Variants in GRIK2 observed in about 807,000 individuals in gnomAD.
GRIK2 encodes the protein glutamate receptor ionotropic, kainate 2.
GRIK2 carries 32 observed loss-of-function variants against 100.3 expected under a neutral mutation model. The observed-to-expected ratio is 0.32, with a 90% CI of 0.24 to 0.43. The LOEUF (loss-of-function observed/expected upper bound fraction) is 0.43. Among genes scored for constraint, GRIK2 ranks in the 20% least tolerant of loss-of-function variants. The pLI is 1.00. For missense variants in GRIK2, 843 were observed against 1,114.9 expected (o/e 0.76, Z 3.47); for synonymous variants, 417 against 389.4 (o/e 1.07, Z -0.83).
chr6:101,424,330 C>G (rs936616558), intron 2 of GRIK2, among the ~76,000 whole-genome samples: 3 of 151,318 alleles, frequency 2.0e-5, no homozygotes, highest in Admixed American at 6.6e-5. Flanking sequence ...TCCCCCCACC[C>G]CACAACAGGC....
At chr6:101,549,432 C>A (rs1222241622) in intron 2 of GRIK2, among the ~76,000 whole-genome samples, 1 of 151,958 alleles carries the variant, frequency 6.6e-6, no homozygotes, top group Non-Finnish European at 1.5e-5. Flanking sequence ...ATTGGCAGAT[C>A]TTTCTTTGGC....
intron 7 of GRIK2, among the ~76,000 whole-genome samples, chr6:101,720,111 T>C (rs9386289): frequency 0.076 from 11,549 of 151,862 alleles, 727 homozygotes; most frequent in African/African-American, 0.16. Context: ...CTTTCTCCCC[T>C]GCACCCCCTC....
chr6:101,664,077 C>T (rs1211566130), intron 4 of GRIK2, among the ~76,000 whole-genome samples: 1 of 152,174 alleles, frequency 6.6e-6, no homozygotes, highest in East Asian at 1.9e-4. Context: ...TTCCTTGTTT[C>T]AACCATGCCT....
In GRIK2 at chr6:101,940,935, C is replaced by A. The variant is rs191647341; in HGVS notation, c.2085+12303C>A. On this transcript the variant is annotated intron_variant, in intron 14 of 16. Transcript: ENST00000369134. The stretch of plus-strand genomic sequence containing the variant: ...AAGACATTTTTGCAATAAACTTAAA[C>A]ATATATTTCATTTTAACCTTTGCCT... 2.0e-3 allele frequency among the ~76,000 whole-genome samples: 302 copies of A among 152,104 alleles called. 3 individuals are homozygous for A. Among genetic ancestry groups the A allele is most frequent in the African/African-American group, 6.8e-3 (283 of 41,516 alleles).
intron 10 of GRIK2, among the ~76,000 whole-genome samples, chr6:101,848,437 C>T (rs887103519): frequency 2.0e-5 from 3 of 151,894 alleles, no homozygotes; most frequent in Non-Finnish European, 4.4e-5. Context: ...AAAATTTGAA[C>T]CTCTAGTCTA....
intron 2 of GRIK2, among the ~76,000 whole-genome samples, chr6:101,577,889 C>CTGGGGAA (rs530013855): frequency 1.3e-5 from 2 of 152,136 alleles, no homozygotes; most frequent in Admixed American, 1.3e-4. Context: ...TCCTGTGTTC[C>CTGGGGAA]TGGGGAATGG....
intron 7 of GRIK2, among the ~76,000 whole-genome samples, chr6:101,757,760 A>G (rs979380201): frequency 1.3e-5 from 2 of 152,218 alleles, no homozygotes; most frequent in African/African-American, 4.8e-5. Flanking sequence ...GTACAGTTTG[A>G]AAAGTCTACC....
chr6:101,454,094 G>A (rs1173557816), intron 2 of GRIK2, among the ~76,000 whole-genome samples: 1 of 151,986 alleles, frequency 6.6e-6, no homozygotes, highest in Non-Finnish European at 1.5e-5. Context: ...GTAGACTGAA[G>A]GAAGAAGGCC....
intron 7 of GRIK2, among the ~76,000 whole-genome samples, chr6:101,709,018 G>A (rs9377291): frequency 0.12 from 18,586 of 151,630 alleles, 1,411 homozygotes; most frequent in East Asian, 0.29. Context: ...GACCACCATA[G>A]TTAGTCAATT....
chr6:101,704,592 T>G (rs1331301393), intron 7 of GRIK2, among the ~76,000 whole-genome samples: 1 of 151,764 alleles, frequency 6.6e-6, no homozygotes, highest in East Asian at 1.9e-4. Context: ...ACTTATTTGT[T>G]TAACAATTTA....
At chr6:101,525,798 T>C (rs1775122989) in intron 2 of GRIK2, among the ~76,000 whole-genome samples, 1 of 152,196 alleles carries the variant, frequency 6.6e-6, no homozygotes. Context: ...TTACATGCTG[T>C]CAATTCTGTT....
intron 2 of GRIK2, among the ~76,000 whole-genome samples, chr6:101,607,361 G>T (rs1331896419): frequency 6.6e-6 from 1 of 151,944 alleles, no homozygotes; most frequent in Non-Finnish European, 1.5e-5. Context: ...TGGGAATGAG[G>T]ATCAGAACAT....
intron 2 of GRIK2, among the ~76,000 whole-genome samples, chr6:101,463,930 C>T (rs1364131209): frequency 4.6e-5 from 7 of 152,052 alleles, no homozygotes; most frequent in South Asian, 2.1e-4. Flanking sequence ...GGTATGTCTG[C>T]GAGGGTGGAT....
intron 1 of GRIK2, among the ~76,000 whole-genome samples, chr6:101,397,183 T>G (rs774785787): frequency 6.6e-6 from 1 of 152,178 alleles, no homozygotes; most frequent in Non-Finnish European, 1.5e-5. Context: ...TTAGTCACAA[T>G]AAAACATGCT....
intron 4 of GRIK2, among the ~76,000 whole-genome samples, chr6:101,672,291 T>C (rs1039253504): frequency 1.3e-5 from 2 of 152,160 alleles, no homozygotes; most frequent in African/African-American, 2.4e-5. Context: ...ACCCTTGACA[T>C]GGCTGATCAC....
chr6:102,007,618 T>C (rs998453689), intron 14 of GRIK2, among the ~76,000 whole-genome samples: 2 of 152,116 alleles, frequency 1.3e-5, no homozygotes, highest in African/African-American at 4.8e-5. Flanking sequence ...AGAATTGAAT[T>C]GCATTGAAAC....
rs146948954 is a variant in GRIK2, at chr6:101,434,815, C to G, written c.115+35423C>G. Reference sequence around the variant, plus strand: ...CCACTGTAAATGGGGCACTTCTCTCCCCAGCTGTTCACCATAATTCCTGAA... The same window carrying G: ...CCACTGTAAATGGGGCACTTCTCTCGCCAGCTGTTCACCATAATTCCTGAA... On this transcript the variant is annotated intron_variant, in intron 2 of 16. Transcript: ENST00000369134. Among the ~76,000 whole-genome samples, 15 of 152,098 alleles carry G rather than the reference C, an allele frequency of 9.9e-5. No individual in the cohort carries two copies. In the East Asian group the frequency reaches 1.7e-3, roughly 18 times the overall value.
chr6:101,706,663 A>T (rs1182479167), intron 7 of GRIK2, among the ~76,000 whole-genome samples: 1 of 151,866 alleles, frequency 6.6e-6, no homozygotes, highest in Non-Finnish European at 1.5e-5. Flanking sequence ...GGAAGACAGG[A>T]TTGGATAGAA....
chr6:101,441,154 G>A (rs1770027522), intron 2 of GRIK2, among the ~76,000 whole-genome samples: 1 of 151,830 alleles, frequency 6.6e-6, no homozygotes. Flanking sequence ...CAGGCCTTCA[G>A]ACTTTTGTGT....
Sources: allele counts gnomAD v4.1 joint callset (sites outside exome capture counted in the v4.1 genomes callset), GRCh38; gene constraint gnomAD v4.1.1; transcripts MANE v1.5; gene names NCBI Gene and HGNC (gene_info 2026-07-23, HGNC 2026-07-21).